STXBP5: variants seen among roughly 807,000 people sequenced by gnomAD.
STXBP5 encodes syntaxin-binding protein 5.
In STXBP5, 50 loss-of-function variants were observed where a neutral mutation model predicts 152.4. The observed-to-expected ratio is 0.33, with a 90% confidence interval of 0.26 to 0.42. The LOEUF (loss-of-function observed/expected upper bound fraction) is 0.42, where lower values mean the gene tolerates loss of function less well. Among genes scored for constraint, STXBP5 ranks in the 10% least tolerant of loss-of-function variants. The pLI, the probability that STXBP5 is intolerant of heterozygous loss-of-function variation, is 1.00. For synonymous variants in STXBP5, 492 were observed against 494.7 expected, an observed-to-expected ratio of 0.99 and a Z score of 0.07; for missense variants, 1,167 against 1,388.6, an observed-to-expected ratio of 0.84 and a Z score of 2.54.
At position 147,205,259 on chromosome 6, in the gene STXBP5, G is replaced by A. The variant is rs528232070; in HGVS notation, c.150+577G>A. 4.6e-5 allele frequency among the ~76,000 whole-genome samples: 7 copies of A among 152,164 alleles called. No individual in the cohort carries two copies. The South Asian group carries it at 1.5e-3, about 32-fold the overall frequency. ...TCTGTAATTCAGAAAGAATGATGCAGCGAATTAAGTCACCAGCTGCTTAAT... is the reference window on the plus strand; with the variant it reads ...TCTGTAATTCAGAAAGAATGATGCAACGAATTAAGTCACCAGCTGCTTAAT... On this transcript the variant is annotated intron_variant, in intron 1 of 27. Transcript: ENST00000321680.
rs1786411072 is a variant in STXBP5 at position 147,387,771 on chromosome 6, TTAAAG to T, written c.*3017_*3021del. ...TTACAATTTAATTAAGTACAATAGTTTAAAGAACGAAGCAATTTTTTTTTTTTTGG... is the reference window on the plus strand; with the variant it reads ...TTACAATTTAATTAAGTACAATAGTTAACGAAGCAATTTTTTTTTTTTTGG... On this transcript the variant is annotated 3_prime_UTR_variant, in exon 28 of 28. Coordinates refer to ENST00000321680, the MANE Select transcript of STXBP5 (RefSeq NM_001127715.4). The T allele has an allele frequency of 6.6e-6, 1 of 151,646 alleles. No individual in the cohort carries two copies. Among genetic ancestry groups the T allele is most frequent in the African/African-American group, 2.4e-5 (1 of 41,310 alleles). 9.4% of individuals were successfully genotyped at this position (151,646 alleles called of 1,614,324 possible).
intron 11 of STXBP5, among the ~76,000 whole-genome samples, chr6:147,312,348 T>C (rs1236386285): frequency 6.6e-6 from 1 of 152,208 alleles, no homozygotes; most frequent in Non-Finnish European, 1.5e-5. Flanking sequence ...ATTATTTGAA[T>C]GGAAGCACAT....
At chr6:147,269,503 A>G (rs1222804754) in intron 7 of STXBP5, among the ~76,000 whole-genome samples, 1 of 152,212 alleles carries the variant, frequency 6.6e-6, no homozygotes, top group African/African-American at 2.4e-5. Flanking sequence ...AAAAGCCAGG[A>G]TATACAACCC....
intron 13 of STXBP5, 107 bp downstream of exon 13, chr6:147,314,438 C>G: frequency 7.8e-7 from 1 of 1,277,904 alleles, no homozygotes; most frequent in Non-Finnish European, 1.1e-6. Flanking sequence ...TCCTTTATGT[C>G]GTAATATAAT....
intron 16 of STXBP5, among the ~76,000 whole-genome samples, chr6:147,317,214 GC>G (rs1782689397): frequency 6.6e-6 from 1 of 152,122 alleles, no homozygotes; most frequent in Non-Finnish European, 1.5e-5. Context: ...ACCAGGCTTT[GC>G]ACTATTTTAC....
chr6:147,273,279 G>T (rs1237405875), intron 7 of STXBP5, among the ~76,000 whole-genome samples: 1 of 151,768 alleles, frequency 6.6e-6, no homozygotes, highest in Non-Finnish European at 1.5e-5. Flanking sequence ...TGGGAGGATG[G>T]GTTAAGCCCT....
intron 16 of STXBP5, among the ~76,000 whole-genome samples, chr6:147,318,300 C>T (rs1441141229): frequency 6.6e-6 from 1 of 152,114 alleles, no homozygotes; most frequent in African/African-American, 2.4e-5. Flanking sequence ...TAAAGGCCAG[C>T]CTGATAGGTG....
At chr6:147,255,822 G>T (rs931513722) in intron 4 of STXBP5, among the ~76,000 whole-genome samples, 1 of 152,116 alleles carries the variant, frequency 6.6e-6, no homozygotes, top group African/African-American at 2.4e-5. Context: ...CCATGAAAAG[G>T]CCTTCTGTAC....
chr6:147,275,277 G>C (rs1435566595), intron 7 of STXBP5, among the ~76,000 whole-genome samples: 1 of 151,904 alleles, frequency 6.6e-6, no homozygotes, highest in Non-Finnish European at 1.5e-5. Context: ...TCATAGTTAC[G>C]ATTTTTGTCA....
In STXBP5 at chr6:147,371,404, G is replaced by C. The variant is rs908811493; in HGVS notation, c.3082-2327G>C. ...ATGTTAACCTGTAGATAAATGACTT[G>C]TGTATTTTCTAATTGGTTTCATCTC... is the stretch of plus-strand genomic sequence containing the variant. On this transcript the variant is annotated intron_variant, in intron 25 of 27. Transcript: ENST00000321680. Among the ~76,000 whole-genome samples the C allele has an allele frequency of 3.9e-5, 6 of 152,052 alleles. No individual in the cohort carries two copies. In the East Asian group the frequency reaches 9.6e-4, roughly 24 times the overall value.
intron 21 of STXBP5, among the ~76,000 whole-genome samples, chr6:147,351,250 A>G (rs182435305): frequency 1.8e-4 from 27 of 152,352 alleles, no homozygotes; most frequent in Non-Finnish European, 3.2e-4. Flanking sequence ...CAAGATCTCC[A>G]TGTGACTGGT....
intron 19 of STXBP5, among the ~76,000 whole-genome samples, chr6:147,336,217 A>G (rs1198461212): frequency 6.6e-6 from 1 of 152,210 alleles, no homozygotes; most frequent in East Asian, 1.9e-4. Context: ...ATGCACAACT[A>G]GTAAGAGCAT....
intron 4 of STXBP5, among the ~76,000 whole-genome samples, chr6:147,241,328 A>G (rs189402613): frequency 2.6e-5 from 4 of 152,306 alleles, no homozygotes; most frequent in Non-Finnish European, 5.9e-5. Flanking sequence ...AAGGTTCACT[A>G]TTTGTGTTGA....
At chr6:147,220,254 A>G (rs1318918817) in intron 2 of STXBP5, among the ~76,000 whole-genome samples, 2 of 152,074 alleles carry the variant, frequency 1.3e-5, no homozygotes, top group Admixed American at 6.5e-5. Context: ...TATAGTTTCT[A>G]TTCTTTCAAA....
intron 4 of STXBP5, among the ~76,000 whole-genome samples, chr6:147,250,009 A>AT (rs1779006061): frequency 6.6e-6 from 1 of 152,234 alleles, no homozygotes; most frequent in Admixed American, 6.5e-5. Context: ...AATACAATTT[A>AT]TTTAAGACCT....
At chr6:147,338,176 C>T (rs147929113) in intron 19 of STXBP5, among the ~76,000 whole-genome samples, 18 of 152,174 alleles carry the variant, frequency 1.2e-4, no homozygotes, top group African/African-American at 3.4e-4. Flanking sequence ...CTACATGTAA[C>T]GCACTCCACT....
At chr6:147,268,399 A>G (rs1050391627) in intron 7 of STXBP5, among the ~76,000 whole-genome samples, 1 of 152,204 alleles carries the variant, frequency 6.6e-6, no homozygotes, top group Non-Finnish European at 1.5e-5. Flanking sequence ...AAAATACATC[A>G]TAATCTTAGT....
chr6:147,219,799 GTTTTT>G (rs35444906), intron 2 of STXBP5, among the ~76,000 whole-genome samples: 1 of 86,104 alleles, frequency 1.2e-5, no homozygotes, highest in Non-Finnish European at 2.3e-5. Context: ...CTAGAAGCTT[GTTTTT>G]TTTTTTTTTT....
chr6:147,282,385 C>T (rs1031826111), intron 8 of STXBP5, among the ~76,000 whole-genome samples: 3 of 152,210 alleles, frequency 2.0e-5, no homozygotes, highest in Admixed American at 2.0e-4. Context: ...CAAACATTTC[C>T]CTGGCAGTCA....
Sources: allele counts gnomAD v4.1 joint callset (sites outside exome capture counted in the v4.1 genomes callset), GRCh38; gene constraint gnomAD v4.1.1; transcripts MANE v1.5; gene names NCBI Gene and HGNC (gene_info 2026-07-23, HGNC 2026-07-21).